Variants in ACSS1 observed in about 807,000 individuals in gnomAD.
ACSS1 encodes acyl-CoA synthetase short chain family member 1.
In ACSS1, 42 loss-of-function variants were observed where a neutral mutation model predicts 75.3. The observed-to-expected ratio is 0.56, with a 90% CI of 0.44 to 0.72. ACSS1 has a LOEUF of 0.72. Among genes scored for constraint, ACSS1 ranks in the 30% least tolerant of loss-of-function variants. ACSS1 has a pLI of 0.00. For synonymous variants in ACSS1, 380 were observed against 376.8 expected (o/e 1.01, Z -0.10); for missense variants, 782 against 935.7 (o/e 0.84, Z 2.14).
chr20:25,044,109 C>T (rs914942303), intron 2 of ACSS1, among the ~76,000 whole-genome samples: 5 of 152,212 alleles, frequency 3.3e-5, no homozygotes, highest in African/African-American at 2.4e-5. Context: ...CTGCTTCCTG[C>T]ACCTGGAGTC....
At chr20:25,012,460 AC>A (rs2088426300) in intron 12 of ACSS1, 140 bp downstream of exon 12, 17 of 1,062,636 alleles carry the variant, frequency 1.6e-5, no homozygotes, top group Non-Finnish European at 2.2e-5. Context: ...TACAGTTTCC[AC>A]TTGAGAGAGA....
At chr20:25,056,166 G>A (rs532535717) in intron 1 of ACSS1, among the ~76,000 whole-genome samples, 5 of 152,158 alleles carry the variant, frequency 3.3e-5, no homozygotes, top group African/African-American at 4.8e-5. Flanking sequence ...CAGGAGGTCC[G>A]CCCCACTGTC....
chr20:25,035,378 C>G (rs1423763295), intron 2 of ACSS1, among the ~76,000 whole-genome samples: 4 of 150,948 alleles, frequency 2.6e-5, no homozygotes, highest in African/African-American at 9.7e-5. Context: ...CAATCTAATT[C>G]TATCTCAATT....
At chr20:25,038,022 G>A (rs1046277293) in intron 2 of ACSS1, among the ~76,000 whole-genome samples, 3 of 152,316 alleles carry the variant, frequency 2.0e-5, no homozygotes, top group South Asian at 2.1e-4. Flanking sequence ...AGAAGCTGCC[G>A]TGAAAACATA....
intron 1 of ACSS1, among the ~76,000 whole-genome samples, chr20:25,055,432 C>A (rs8114568): frequency 0.033 from 5,017 of 152,256 alleles, 260 homozygotes; most frequent in African/African-American, 0.12. Flanking sequence ...CATCCACAGC[C>A]CATCATTTGC....
chr20:25,032,368 C>G, intron 2 of ACSS1: 2 of 1,355,136 alleles, frequency 1.5e-6, no homozygotes, highest in East Asian at 5.6e-5. Flanking sequence ...CGCCAACTTG[C>G]CGGCCATGCG....
chr20:25,006,662 G>T lies in ACSS1; in HGVS notation c.*1100C>A, dbSNP rs975204263. Reference sequence around the variant, plus strand: ...CCCTGCCAACCGCCAGCCCCTGCATGCCTAGCAGGGAGGTAAGCACCCACT... The same window carrying T: ...CCCTGCCAACCGCCAGCCCCTGCATTCCTAGCAGGGAGGTAAGCACCCACT... On this transcript the variant is annotated 3_prime_UTR_variant, in exon 14 of 14. Transcript: ENST00000323482. 3 of 761,184 alleles carry T rather than the reference G, an allele frequency of 3.9e-6. No homozygotes were observed. Among genetic ancestry groups the T allele is most frequent in the African/African-American group, 3.5e-5 (2 of 56,496 alleles). The allele number at this position is 761,184 out of a possible 1,614,324, so 47.2% of individuals were successfully genotyped here. A position where few individuals can be genotyped will look rare whatever the true frequency, so the allele number is the denominator to read the frequency against.
intron 2 of ACSS1, among the ~76,000 whole-genome samples, chr20:25,040,798 C>G (rs1327835783): frequency 6.6e-6 from 1 of 152,220 alleles, no homozygotes; most frequent in East Asian, 1.9e-4. Flanking sequence ...CCTCCTCTAT[C>G]TTTGCAGCCA....
intron 3 of ACSS1, among the ~76,000 whole-genome samples, chr20:25,026,864 T>A (rs554034947): frequency 3.0e-4 from 46 of 152,302 alleles, no homozygotes; most frequent in African/African-American, 9.9e-4. Context: ...TGCCCTCCCA[T>A]GCTTGGTTGT....
intron 2 of ACSS1, among the ~76,000 whole-genome samples, chr20:25,037,832 CCTGGCAG>C (rs2122713762): frequency 6.6e-6 from 1 of 152,382 alleles, no homozygotes; most frequent in East Asian, 1.9e-4. Context: ...CTCCTTCCCT[CCTGGCAG>C]CCTCCTCTGG....
intron 2 of ACSS1, among the ~76,000 whole-genome samples, chr20:25,043,504 C>T (rs1453228263): frequency 6.6e-6 from 1 of 152,226 alleles, no homozygotes; most frequent in Non-Finnish European, 1.5e-5. Context: ...CGCAGTAAAG[C>T]CCCATGCCCA....
rs1171891974 is a variant in ACSS1, at chr20:25,053,060, C to CTTT, written c.334+4706_334+4708dup. Among the ~76,000 whole-genome samples, 388 of 118,100 alleles carry CTTT rather than the reference C, an allele frequency of 3.3e-3. 13 individuals carry two copies. The highest frequency in any genetic ancestry group is 0.013 in the African/African-American group (343 of 27,092). 77.5% of individuals were successfully genotyped at this position (118,100 alleles called of 152,430 possible). A position where few individuals can be genotyped will look rare whatever the true frequency, so the allele number is the denominator to read the frequency against. On this transcript the variant is annotated intron_variant, in intron 1 of 13. Transcript: ENST00000323482. ...ATACGGAGTTACTATTCACAATGAG[C>CTTT]TTTTTTTTTTTTTTTTTTTTTGAGA...
At chr20:25,013,424 T>C (rs1034050575) in intron 10 of ACSS1, 112 bp downstream of exon 10, 1 of 1,401,960 alleles carries the variant, frequency 7.1e-7, no homozygotes, top group African/African-American at 1.4e-5. Context: ...CGAGCACCTA[T>C]TCCTGGCCAC....
chr20:25,012,233 G>A (rs1273608184), intron 12 of ACSS1: 10 of 318,506 alleles, frequency 3.1e-5, no homozygotes, highest in East Asian at 2.2e-4. Context: ...GACCAAGCCC[G>A]TGAGGATACA....
Position 25,013,576 on chromosome 20 carries a change from G to T in ACSS1, c.1539C>A (p.Asp513Glu), listed in dbSNP as rs1228955670. 2 of 1,607,202 alleles carry T rather than the reference G, an allele frequency of 1.2e-6. No individual in the cohort carries two copies. Among genetic ancestry groups the T allele is most frequent in the South Asian group, 2.2e-5 (2 of 90,882 alleles). ...AGTAGGCGTCCACAAATCGCTGGTG[G>T]TCGCCATAGATGGTCCTGGCCATGC... ...WPGMARTIYG[D>E]HQRFVDAYFK... The change falls in exon 10 of 14, where the codon GAC becomes GAA. Residue 513 changes from aspartate to glutamate, a missense_variant. Asp to Glu is a conservative substitution (Grantham distance 45). Around this residue, in one of 2 missense-constraint regions of ACSS1, gnomAD observed 405 missense variants for 552.6 expected, o/e 0.73. Transcript: ENST00000323482.
chr20:25,040,790 T>C (rs572332167), intron 2 of ACSS1, among the ~76,000 whole-genome samples: 1 of 152,174 alleles, frequency 6.6e-6, no homozygotes, highest in African/African-American at 2.4e-5. Flanking sequence ...GGCAGCCTCC[T>C]CCTCTATCTT....
In ACSS1 at chr20:25,018,549, C is replaced by G. The variant is rs138235113; in HGVS notation, c.1246+1461G>C. 9.7e-3 allele frequency among the ~76,000 whole-genome samples: 1,482 copies of G among 152,270 alleles called. 25 individuals carry two copies. The highest frequency in any genetic ancestry group is 0.033 in the African/African-American group (1,388 of 41,544). Reference sequence around the variant, plus strand: ...GGGGGCAGAGTGAGTTTTACAGACTCTAGAACCAAGTGCTGCGTTCAACAC... The same window carrying G: ...GGGGGCAGAGTGAGTTTTACAGACTGTAGAACCAAGTGCTGCGTTCAACAC... On this transcript the variant is annotated intron_variant, in intron 7 of 13. Transcript: ENST00000323482.
At chr20:25,048,295 G>C in intron 1 of ACSS1, 114 bp from the exon 2 acceptor site, 1 of 789,130 alleles carries the variant, frequency 1.3e-6, no homozygotes, top group Admixed American at 2.2e-5. Context: ...TTCTTCCACT[G>C]ACAGAGACCC....
intron 2 of ACSS1, among the ~76,000 whole-genome samples, chr20:25,039,755 G>C (rs2088971901): frequency 6.6e-6 from 1 of 152,256 alleles, no homozygotes; most frequent in Non-Finnish European, 1.5e-5. Context: ...TACCAGGCCA[G>C]ACTCCAGAGA....
Sources: gnomAD v4.1 joint callset for allele counts (sites outside exome capture counted in the v4.1 genomes callset) on GRCh38, gnomAD v4.1.1 for gene constraint, gnomAD v4.1.1 regional missense constraint, MANE v1.5 for transcripts, NCBI Gene and HGNC (gene_info 2026-07-23, HGNC 2026-07-21) for gene names.